The following ARHGAP15 variants were observed in gnomAD, a reference collection of about 807,000 sequenced individuals.
ARHGAP15 encodes the protein Rho GTPase activating protein 15, also known as rho GTPase-activating protein 15.
A neutral mutation model predicts 63.7 loss-of-function variants in ARHGAP15; 51 were observed. That is an observed-to-expected ratio of 0.80 (90% CI 0.64 to 1.01). ARHGAP15 has a LOEUF of 1.01. Among genes scored for constraint, ARHGAP15 ranks in the 50% least tolerant of loss-of-function variants. The pLI is 0.00. For synonymous variants in ARHGAP15, 191 were observed against 193.8 expected, an observed-to-expected ratio of 0.99 and a Z score of 0.12; for missense variants, 560 against 564.6, an observed-to-expected ratio of 0.99 and a Z score of 0.08.
intron 10 of ARHGAP15, 30 bp downstream of exon 10, chr2:143,519,394 C>G (rs757862532): frequency 7.1e-5 from 109 of 1,535,368 alleles, no homozygotes; most frequent in Admixed American, 1.7e-4. Flanking sequence ...GCAGTTCCCC[C>G]CATTACTGCA....
chr2:143,639,853 G>A (rs1279086291), intron 12 of ARHGAP15, among the ~76,000 whole-genome samples: 1 of 152,084 alleles, frequency 6.6e-6, no homozygotes, highest in East Asian at 1.9e-4. Context: ...CTCACATTCA[G>A]TGGTATTCCA....
chr2:143,328,591 G>T (rs1349277474), intron 6 of ARHGAP15, among the ~76,000 whole-genome samples: 1 of 152,154 alleles, frequency 6.6e-6, no homozygotes, highest in African/African-American at 2.4e-5. Context: ...TCAGGGGGTA[G>T]GGGAGTAGGG....
intron 6 of ARHGAP15, among the ~76,000 whole-genome samples, chr2:143,276,485 C>G (rs899022964): frequency 6.6e-6 from 1 of 152,198 alleles, no homozygotes; most frequent in African/African-American, 2.4e-5. Flanking sequence ...TTCTGGATGA[C>G]AGTTTTGCTG....
At chr2:143,350,577 T>C (rs1461347575) in intron 6 of ARHGAP15, among the ~76,000 whole-genome samples, 1 of 151,172 alleles carries the variant, frequency 6.6e-6, no homozygotes, top group Admixed American at 6.6e-5. Context: ...CCCAGCACTT[T>C]GGGAGGCCGA....
chr2:143,196,855 G>T (rs1488128276), intron 2 of ARHGAP15, among the ~76,000 whole-genome samples: 4 of 151,868 alleles, frequency 2.6e-5, no homozygotes, highest in Middle Eastern at 3.2e-3. Context: ...ATACATTAAA[G>T]CTTCTCAGAA....
At chr2:143,761,329 A>G (rs1686752351) in intron 13 of ARHGAP15, among the ~76,000 whole-genome samples, 1 of 152,188 alleles carries the variant, frequency 6.6e-6, no homozygotes, top group African/African-American at 2.4e-5. Context: ...TACATTTACC[A>G]CCACACTCTC....
At chr2:143,563,244 T>A (rs1696097954) in intron 11 of ARHGAP15, among the ~76,000 whole-genome samples, 1 of 152,248 alleles carries the variant, frequency 6.6e-6, no homozygotes, top group Non-Finnish European at 1.5e-5. Flanking sequence ...TTATTAACTT[T>A]AATTAAGATG....
intron 2 of ARHGAP15, among the ~76,000 whole-genome samples, chr2:143,192,723 T>G (rs1462518160): frequency 6.6e-6 from 1 of 152,246 alleles, no homozygotes; most frequent in African/African-American, 2.4e-5. Context: ...ATATCCTAGC[T>G]TGTACCCTTG....
At chr2:143,379,567 G>T (rs183326421) in intron 6 of ARHGAP15, among the ~76,000 whole-genome samples, 1 of 146,998 alleles carries the variant, frequency 6.8e-6, no homozygotes, top group Non-Finnish European at 1.5e-5. Context: ...TCATGGTATA[G>T]TTTACACAAT....
intron 10 of ARHGAP15, among the ~76,000 whole-genome samples, chr2:143,546,134 G>A (rs1695317610): frequency 6.6e-6 from 1 of 152,044 alleles, no homozygotes; most frequent in South Asian, 2.1e-4. Context: ...GAAAGGGGAG[G>A]GACGTGGTTT....
chr2:143,356,518 C>T (rs149049057), intron 6 of ARHGAP15, among the ~76,000 whole-genome samples: 79 of 152,152 alleles, frequency 5.2e-4, no homozygotes, highest in African/African-American at 1.8e-3. Context: ...TTCCTTTCCC[C>T]CTTTAAGTTG....
chr2:143,714,232 G>A (rs1363123308), intron 13 of ARHGAP15, among the ~76,000 whole-genome samples: 1 of 152,194 alleles, frequency 6.6e-6, no homozygotes, highest in Non-Finnish European at 1.5e-5. Flanking sequence ...CCACATAGCT[G>A]CCAAGGCTTG....
At chr2:143,427,913 T>G (rs1172714303) in intron 6 of ARHGAP15, among the ~76,000 whole-genome samples, 5 of 152,134 alleles carry the variant, frequency 3.3e-5, no homozygotes, top group African/African-American at 1.2e-4. Context: ...CAATGCAATA[T>G]AATGCATTCA....
At position 143,732,647 on chromosome 2, in the gene ARHGAP15, C is replaced by A. The variant is rs146028328; in HGVS notation, c.1244+29123C>A. On this transcript the variant is annotated intron_variant, in intron 13 of 13. Coordinates refer to ENST00000295095, the MANE Select transcript of ARHGAP15 (RefSeq NM_018460.4). ...ATTTCCAGGAGGTGTTTAAATAATA[C>A]AGGTTGTCAGTATTAAAATCAGAAG... Among the ~76,000 whole-genome samples, 498 of 151,578 alleles carry A rather than the reference C, an allele frequency of 3.3e-3. 4 individuals are homozygous for A. The highest frequency in any genetic ancestry group is 0.011 in the African/African-American group (450 of 41,334).
At chr2:143,279,841 T>A (rs1028382534) in intron 6 of ARHGAP15, among the ~76,000 whole-genome samples, 1 of 152,154 alleles carries the variant, frequency 6.6e-6, no homozygotes, top group Non-Finnish European at 1.5e-5. Context: ...AGCTGCTACT[T>A]GATGTTAACA....
Position 143,487,394 on chromosome 2 carries a change from C to CT in ARHGAP15, c.727dup (p.Ser243PhefsTer10). 6.2e-7 allele frequency: 1 copy of CT among 1,613,542 alleles called. No homozygotes were observed. The highest frequency in any genetic ancestry group is 1.1e-5 in the South Asian group (1 of 90,992). On this transcript the variant is annotated frameshift_variant, in exon 9 of 14. Coordinates refer to ENST00000295095, the MANE Select transcript of ARHGAP15 (RefSeq NM_018460.4). LOFTEE classifies it high-confidence loss of function. The stretch of plus-strand genomic sequence containing the variant: ...TCAGTGTTCAGACTGCATCACAGTG[C>CT]TTCCGATACAAGCGACAAAAATCGA...
chr2:143,268,403 G>A (rs1436207993), intron 6 of ARHGAP15, among the ~76,000 whole-genome samples: 1 of 151,994 alleles, frequency 6.6e-6, no homozygotes, highest in Non-Finnish European at 1.5e-5. Flanking sequence ...CAATTAAACT[G>A]ATTGGAATTC....
chr2:143,467,242 C>CTTTTTTTTTTTTTTTTTTTTTTTTTCTT (rs202115707), intron 8 of ARHGAP15, among the ~76,000 whole-genome samples: 1 of 57,894 alleles, frequency 1.7e-5, no homozygotes, highest in African/African-American at 7.6e-5. Context: ...ACTCCATGGC[C>CTTTTTTTTTTTTTTTTTTTTTTTTTCTT]TTTTTTTTTT....
At chr2:143,220,153 T>A (rs1353781656) in intron 4 of ARHGAP15, among the ~76,000 whole-genome samples, 1 of 152,214 alleles carries the variant, frequency 6.6e-6, no homozygotes, top group East Asian at 1.9e-4. Context: ...GTTTTATATT[T>A]ATATTAAATT....
Sources: gnomAD v4.1 joint callset for allele counts (sites outside exome capture counted in the v4.1 genomes callset) on GRCh38, gnomAD v4.1.1 for gene constraint, MANE v1.5 for transcripts, NCBI Gene and HGNC (gene_info 2026-07-23, HGNC 2026-07-21) for gene names.